SCLT1: variants seen among roughly 807,000 people sequenced by gnomAD.
SCLT1 encodes the protein sodium channel and clathrin linker 1.
Under a neutral mutation model 112.8 loss-of-function variants are expected in SCLT1, and 78 were observed. The ratio of observed to expected loss-of-function variants is 0.69; its 90% CI spans 0.58 to 0.83. The LOEUF (loss-of-function observed/expected upper bound fraction) is 0.83. Ranked by LOEUF, SCLT1 falls within the 40% of genes least tolerant of loss-of-function variation. The probability of loss-of-function intolerance (pLI) is 0.00; values close to 1 mark genes in which losing one functional copy is unlikely to be tolerated. For missense variants in SCLT1, 747 were observed against 770.4 expected, an observed-to-expected ratio of 0.97 and a Z score of 0.36; for synonymous variants, 257 against 254.7, an observed-to-expected ratio of 1.01 and a Z score of -0.09.
chr4:129,041,241 T>G (rs1356897532), intron 4 of SCLT1, among the ~76,000 whole-genome samples: 5 of 152,204 alleles, frequency 3.3e-5, no homozygotes, highest in Non-Finnish European at 7.4e-5. Context: ...AAGACATTAC[T>G]GTGCTTGTCC....
rs1450029153 is a variant in SCLT1, at chr4:128,946,105, T to C, written c.1341A>G (p.Glu447=). ...AAACCAGGAATCTTTGGTGCATTTC[T>C]TCCAGTTTTCTGTAATCACTCTCAT... ...RGNESDYRKL[E]EMHQRFLVSE... is the part of the protein sequence containing the mutation. Residue 447 remains glutamate (E), a synonymous_variant, in exon 16 of 21, where the codon GAA becomes GAG. Coordinates refer to ENST00000281142, the MANE Select transcript of SCLT1 (RefSeq NM_144643.4). 6.2e-7 allele frequency: 1 copy of C among 1,609,338 alleles called. No individual in the cohort carries two copies. The highest frequency in any genetic ancestry group is 8.5e-7 in the Non-Finnish European group (1 of 1,175,962).
rs781164564 is a variant in SCLT1, at chr4:128,936,666, G to C, written c.1818C>G (p.Ile606Met). 1.9e-6 allele frequency: 3 copies of C among 1,589,926 alleles called. No homozygotes were observed. In the Admixed American group the frequency reaches 5.5e-5, roughly 29 times the overall value. ...KKLTESAEIR[I>M]NNLKSELSRQ... Reference sequence around the variant, plus strand: ...AACAGTAGACTTACTTTAGATTATTGATTCTAATTTCTGCACTTTCAGTAA... The same window carrying C: ...AACAGTAGACTTACTTTAGATTATTCATTCTAATTTCTGCACTTTCAGTAA... Residue 606 changes from isoleucine to methionine, a missense_variant, in exon 18 of 21, where the codon ATC becomes ATG. Around this residue, in one of 2 missense-constraint regions of SCLT1, gnomAD observed 723 missense variants for 721.3 expected, o/e 1.00. Transcript: ENST00000281142.
rs1260687608 is a variant in SCLT1 at position 129,044,110 on chromosome 4, GTGATA to G, written c.103-64_103-60del. 5 of 821,862 alleles carry G rather than the reference GTGATA, an allele frequency of 6.1e-6. No homozygotes were observed. The African/African-American group carries it at 8.7e-5, about 14-fold the overall frequency. The allele number at this position is 821,862 out of a possible 1,614,324, so 50.9% of individuals were successfully genotyped here. ...CACATCATTCTAGCCAAAATTGATA[GTGATA>G]TAATATTAAATGCAATTAAATTTTC... On this transcript the variant is annotated intron_variant, in intron 2 of 20. Coordinates refer to ENST00000281142, the MANE Select transcript of SCLT1 (RefSeq NM_144643.4).
intron 1 of SCLT1, among the ~76,000 whole-genome samples, chr4:129,091,542 C>T (rs1163624235): frequency 2.6e-5 from 4 of 152,006 alleles, no homozygotes; most frequent in Non-Finnish European, 5.9e-5. Flanking sequence ...TCAACCAATT[C>T]CTGTCCCACA....
At chr4:128,910,898 T>C (rs1481674516) in intron 18 of SCLT1, among the ~76,000 whole-genome samples, 4 of 152,162 alleles carry the variant, frequency 2.6e-5, no homozygotes, top group Non-Finnish European at 5.9e-5. Context: ...AATACTGTTT[T>C]ATGTATTTTG....
intron 1 of SCLT1, among the ~76,000 whole-genome samples, chr4:129,090,134 G>T (rs1348478124): frequency 6.6e-6 from 1 of 152,098 alleles, no homozygotes; most frequent in African/African-American, 2.4e-5. Context: ...TCTAACAAAA[G>T]ATGTGCAAAA....
intron 9 of SCLT1, among the ~76,000 whole-genome samples, chr4:128,990,176 A>T (rs950853216): frequency 5.3e-5 from 8 of 152,166 alleles, no homozygotes; most frequent in African/African-American, 1.9e-4. Context: ...AACATCTCTG[A>T]TGAACACAGA....
intron 10 of SCLT1, among the ~76,000 whole-genome samples, chr4:128,967,312 G>A (rs1740291689): frequency 6.6e-6 from 1 of 152,162 alleles, no homozygotes; most frequent in African/African-American, 2.4e-5. Context: ...GTGCTGTGAT[G>A]AACATACATG....
chr4:128,938,275 A>C (rs1380356502), intron 17 of SCLT1, among the ~76,000 whole-genome samples: 1 of 152,244 alleles, frequency 6.6e-6, no homozygotes, highest in Non-Finnish European at 1.5e-5. Flanking sequence ...AAAAAACACA[A>C]AACAAGGCCC....
intron 2 of SCLT1, among the ~76,000 whole-genome samples, chr4:129,079,057 A>G (rs921858365): frequency 5.3e-5 from 8 of 152,052 alleles, no homozygotes; most frequent in African/African-American, 2.4e-5. Context: ...GCAAGGAGAA[A>G]ATTCACCCCC....
intron 18 of SCLT1, among the ~76,000 whole-genome samples, chr4:128,925,126 A>C (rs960109429): frequency 1.3e-5 from 2 of 152,114 alleles, no homozygotes; most frequent in Non-Finnish European, 2.9e-5. Context: ...TCAAGCTCTG[A>C]GATAATGCAG....
intron 18 of SCLT1, among the ~76,000 whole-genome samples, chr4:128,893,285 A>G (rs11098991): frequency 0.19 from 28,763 of 152,194 alleles, 2,921 homozygotes; most frequent in Middle Eastern, 0.29. Context: ...AAATCATTAA[A>G]TGAAAATATA....
rs146830079 is a variant in SCLT1 at position 129,031,781 on chromosome 4, C to T, written c.290+7260G>A. 6.8e-3 allele frequency among the ~76,000 whole-genome samples: 1,032 copies of T among 152,220 alleles called. 8 individuals carry two copies. Among genetic ancestry groups the T allele is most frequent in the Non-Finnish European group, 0.011 (718 of 67,998 alleles). ...ATATGAAGGACCTCTTCAAGGAGAACTACAAACCACTGCTCAAGAGAGGAC... is the reference window on the plus strand; with the variant it reads ...ATATGAAGGACCTCTTCAAGGAGAATTACAAACCACTGCTCAAGAGAGGAC... On this transcript the variant is annotated intron_variant, in intron 5 of 20. Transcript: ENST00000281142.
At chr4:128,888,894 T>A (rs1452978427) in intron 19 of SCLT1, 120 bp from the exon 20 acceptor site, 2 of 466,568 alleles carry the variant, frequency 4.3e-6, no homozygotes, top group Non-Finnish European at 7.6e-6. Flanking sequence ...AAGAATATTA[T>A]CTCCAAATTT....
At chr4:128,980,869 T>TG (rs1358682232) in intron 9 of SCLT1, among the ~76,000 whole-genome samples, 1 of 152,186 alleles carries the variant, frequency 6.6e-6, no homozygotes, top group Non-Finnish European at 1.5e-5. Flanking sequence ...AAAATATAAT[T>TG]TTTTAAAATA....
intron 18 of SCLT1, among the ~76,000 whole-genome samples, chr4:128,923,352 GA>G (rs538328963): frequency 8.7e-4 from 124 of 142,946 alleles, no homozygotes; most frequent in African/African-American, 3.1e-3. Context: ...GGCTGTGGCA[GA>G]AGAATCGCTT....
rs535399608 is a variant in SCLT1, at chr4:128,961,499, T to A, written c.870-1722A>T. Among the ~76,000 whole-genome samples the A allele has an allele frequency of 1.9e-4, 29 of 152,316 alleles. 1 individual carries two copies. In the South Asian group the frequency reaches 6.0e-3, roughly 32 times the overall value. On this transcript the variant is annotated intron_variant, in intron 11 of 20. Coordinates refer to ENST00000281142, the MANE Select transcript of SCLT1 (RefSeq NM_144643.4). The stretch of plus-strand genomic sequence containing the variant: ...ATGTTTGGTAAGATATATTTTATAA[T>A]TTTCTTTGTTATTTGTTATTTTCAG...
At chr4:129,008,072 A>T (rs999072487) in intron 5 of SCLT1, among the ~76,000 whole-genome samples, 2 of 152,124 alleles carry the variant, frequency 1.3e-5, no homozygotes, top group Non-Finnish European at 2.9e-5. Flanking sequence ...CTCATATTTC[A>T]AGTCTCCTCA....
intron 2 of SCLT1, among the ~76,000 whole-genome samples, chr4:129,078,433 C>G (rs1417101472): frequency 6.6e-6 from 1 of 151,976 alleles, no homozygotes; most frequent in African/African-American, 2.4e-5. Context: ...CCACAAGACA[C>G]TAAACAGAAG....
Sources: allele counts gnomAD v4.1 joint callset (sites outside exome capture counted in the v4.1 genomes callset), GRCh38; gene constraint gnomAD v4.1.1; regional missense constraint gnomAD v4.1.1; transcripts MANE v1.5; gene names NCBI Gene and HGNC (gene_info 2026-07-23, HGNC 2026-07-21).